CCDC85C: variants seen among roughly 807,000 people sequenced by gnomAD.
The protein encoded by CCDC85C is coiled-coil domain containing 85C, also known as coiled-coil domain-containing protein 85C.
In CCDC85C, 18 loss-of-function variants were observed where a neutral mutation model predicts 38.3. The observed-to-expected ratio is 0.47, with a 90% CI of 0.33 to 0.70. The LOEUF (loss-of-function observed/expected upper bound fraction) is 0.70. Among genes scored for constraint, CCDC85C ranks in the 30% least tolerant of loss-of-function variants. CCDC85C has a pLI of 0.03. For missense variants in CCDC85C, 566 were observed against 621.2 expected, an observed-to-expected ratio of 0.91 and a Z score of 0.94; for synonymous variants, 264 against 293.8, an observed-to-expected ratio of 0.90 and a Z score of 1.04.
At position 99,592,959 on chromosome 14, in the gene CCDC85C, A is replaced by G. The variant is rs534727847; in HGVS notation, c.793+10208T>C. Among the ~76,000 whole-genome samples, 34 of 152,294 alleles carry G rather than the reference A, an allele frequency of 2.2e-4. No homozygotes were observed. In the South Asian group the frequency reaches 6.4e-3, roughly 29 times the overall value. ...GAAAGAGGGAGAAACTAGCTTCTTA[A>G]TTTTCTGGAGAAAGGGTGGCTGGGT... is the stretch of plus-strand genomic sequence containing the variant. On this transcript the variant is annotated intron_variant, in intron 1 of 5. Coordinates refer to ENST00000380243, the MANE Select transcript of CCDC85C (RefSeq NM_001144995.2).
intron 1 of CCDC85C, among the ~76,000 whole-genome samples, chr14:99,583,524 A>G (rs1055040256): frequency 2.5e-4 from 35 of 142,338 alleles, no homozygotes; most frequent in South Asian, 1.6e-3. Context: ...AAAAAAAAAA[A>G]TCCTGGGCAC....
At chr14:99,556,170 G>A (rs951242090) in intron 1 of CCDC85C, among the ~76,000 whole-genome samples, 2 of 152,264 alleles carry the variant, frequency 1.3e-5, no homozygotes, top group African/African-American at 2.4e-5. Flanking sequence ...TGTAATACCA[G>A]CACTGAGAAG....
rs778725554 is a variant in CCDC85C at position 99,517,169 on chromosome 14, G to C, written c.990C>G (p.Pro330=). 61 of 1,546,814 alleles carry C rather than the reference G, an allele frequency of 3.9e-5. No homozygotes were observed. The highest frequency in any genetic ancestry group is 3.5e-4 in the Middle Eastern group (2 of 5,768). Residue 330 remains proline, a synonymous_variant, in exon 4 of 6, where the codon CCC becomes CCG. Coordinates refer to ENST00000380243, the MANE Select transcript of CCDC85C (RefSeq NM_001144995.2). ...QDSLQNGPAC[P]APELPSPPSA... ...AGGGGGGCGAGGGCAGCTCAGGTGCGGGGCAGGCCGGGCCCTGGGGAAGGC... is the reference window on the plus strand; with the variant it reads ...AGGGGGGCGAGGGCAGCTCAGGTGCCGGGCAGGCCGGGCCCTGGGGAAGGC...
At position 99,507,479 on chromosome 14, in the gene CCDC85C, C is replaced by T; in HGVS notation, c.*7767G>A. The T allele has an allele frequency of 3.5e-6, 1 of 284,250 alleles. No homozygotes were observed. The highest frequency in any genetic ancestry group is 7.7e-5 in the East Asian group (1 of 13,060). 17.6% of individuals were successfully genotyped at this position (284,250 alleles called of 1,614,324 possible). ...ACTTAGGAGTCTGAGATGGGAAGAT[C>T]ATTTGAGCCCTGGGCAGTCAAGGCT... is the stretch of plus-strand genomic sequence containing the variant. On this transcript the variant is annotated 3_prime_UTR_variant, in exon 6 of 6. Coordinates refer to ENST00000380243, the MANE Select transcript of CCDC85C (RefSeq NM_001144995.2).
intron 1 of CCDC85C, among the ~76,000 whole-genome samples, chr14:99,567,724 C>T (rs1262652459): frequency 6.6e-6 from 1 of 152,186 alleles, no homozygotes; most frequent in East Asian, 1.9e-4. Flanking sequence ...ACTTGGGAGG[C>T]TGAGGCAGGA....
At chr14:99,518,184 T>C (rs1897254208) in intron 3 of CCDC85C, among the ~76,000 whole-genome samples, 2 of 152,112 alleles carry the variant, frequency 1.3e-5, no homozygotes, top group Admixed American at 6.5e-5. Context: ...ACTGCAGGGC[T>C]GGGTTCTGCG....
chr14:99,527,252 G>A (rs1249949497), intron 2 of CCDC85C, among the ~76,000 whole-genome samples: 2 of 152,180 alleles, frequency 1.3e-5, no homozygotes, highest in Admixed American at 6.5e-5. Flanking sequence ...CTGCATGGCT[G>A]GACAGGTGTG....
rs8007401 is a variant in CCDC85C at position 99,603,405 on chromosome 14, G to A, written c.555C>T (p.Ser185=). 0.87 allele frequency: 1,095,676 copies of A among 1,261,964 alleles called. 479,522 individuals are homozygous for A. The highest frequency in any genetic ancestry group is 0.99 in the East Asian group (29,433 of 29,858). 78.2% of individuals were successfully genotyped at this position (1,261,964 alleles called of 1,614,324 possible). The change falls in exon 1 of 6, where the codon AGC becomes AGT. Residue 185 remains serine (S), a synonymous_variant. Transcript: ENST00000380243. This position sits in a 1 kb window ranked among gnomAD's most constrained non-coding sequence, Gnocchi z 7.5. ...GSRSSIDSQA[S]LSGPLSGGAP... ...CGCCACCCGACAGCGGCCCGCTCAG[G>A]CTGGCCTGGCTGTCGATGGAGCTGC...
Position 99,506,334 on chromosome 14 carries a change from T to C in CCDC85C, c.*8912A>G, listed in dbSNP as rs986756097. ...GCATGCAAACAGAAAAATAGGGTTCTTTTTCAGTTGTGATGTGCACGCTGC... is the reference window on the plus strand; with the variant it reads ...GCATGCAAACAGAAAAATAGGGTTCCTTTTCAGTTGTGATGTGCACGCTGC... On this transcript the variant is annotated 3_prime_UTR_variant, in exon 6 of 6. Transcript: ENST00000380243. 1 of 152,282 alleles carries C rather than the reference T, an allele frequency of 6.6e-6. No individual in the cohort carries two copies. The highest frequency in any genetic ancestry group is 1.5e-5 in the Non-Finnish European group (1 of 68,086). 9.4% of individuals were successfully genotyped at this position (152,282 alleles called of 1,614,324 possible).
At chr14:99,559,791 T>A (rs1898082051) in intron 1 of CCDC85C, among the ~76,000 whole-genome samples, 1 of 152,084 alleles carries the variant, frequency 6.6e-6, no homozygotes, top group Non-Finnish European at 1.5e-5. Flanking sequence ...ATGCATCTGA[T>A]GCAGCGTGGA....
Position 99,512,525 on chromosome 14 carries a change from C to G in CCDC85C, c.*2721G>C, listed in dbSNP as rs1298250002. The stretch of plus-strand genomic sequence containing the variant: ...TTTCTCTTTAAACACTGATGTGTAG[C>G]TAGTAACTTGGATAAAAAGGTGCCA... On this transcript the variant is annotated 3_prime_UTR_variant, in exon 6 of 6. Coordinates refer to ENST00000380243, the MANE Select transcript of CCDC85C (RefSeq NM_001144995.2). The G allele has an allele frequency of 1.3e-5, 2 of 151,956 alleles. No homozygotes were observed. The highest frequency in any genetic ancestry group is 6.5e-5 in the Admixed American group (1 of 15,268). 9.4% of individuals were successfully genotyped at this position (151,956 alleles called of 1,614,324 possible).
rs906581714 is a variant in CCDC85C at position 99,514,854 on chromosome 14, C to T, written c.*392G>A. The T allele has an allele frequency of 2.3e-5, 4 of 174,264 alleles. No individual in the cohort carries two copies. The highest frequency in any genetic ancestry group is 3.1e-4 in the East Asian group (2 of 6,380). 10.8% of individuals were successfully genotyped at this position (174,264 alleles called of 1,614,324 possible). A position where few individuals can be genotyped will look rare whatever the true frequency, so the allele number is the denominator to read the frequency against. ...GTCTCTGTCCAGTGTGGGTGGCAGC[C>T]GGGGAGTAGAGGGTTTGATGAGTGG... On this transcript the variant is annotated 3_prime_UTR_variant, in exon 6 of 6. Coordinates refer to ENST00000380243, the MANE Select transcript of CCDC85C (RefSeq NM_001144995.2).
chr14:99,524,781 C>G (rs552712839), intron 2 of CCDC85C, among the ~76,000 whole-genome samples: 1 of 152,228 alleles, frequency 6.6e-6, no homozygotes, highest in Admixed American at 6.5e-5. Flanking sequence ...GTTCTGCACA[C>G]AGAGAAGAGC....
chr14:99,523,402 T>A (rs1897328829), intron 2 of CCDC85C, among the ~76,000 whole-genome samples: 1 of 152,020 alleles, frequency 6.6e-6, no homozygotes, highest in South Asian at 2.1e-4. Context: ...CCCAGCCCCA[T>A]CAGAGCCCTG....
chr14:99,553,507 G>A (rs1235352978), intron 1 of CCDC85C, among the ~76,000 whole-genome samples: 4 of 152,204 alleles, frequency 2.6e-5, no homozygotes, highest in Non-Finnish European at 5.9e-5. Flanking sequence ...TGGGACTACA[G>A]GCACGTGCCA....
intron 2 of CCDC85C, among the ~76,000 whole-genome samples, chr14:99,525,368 G>T (rs1050807417): frequency 7.2e-5 from 11 of 152,202 alleles, no homozygotes; most frequent in Admixed American, 5.9e-4. Flanking sequence ...AGGGAGCATT[G>T]TCAGAGGGGA....
intron 2 of CCDC85C, among the ~76,000 whole-genome samples, chr14:99,527,230 T>C (rs549587742): frequency 2.0e-5 from 3 of 152,198 alleles, no homozygotes; most frequent in African/African-American, 7.2e-5. Context: ...ACGTTGTTGG[T>C]TTATCGTCTG....
rs578110477 is a variant in CCDC85C at position 99,560,222 on chromosome 14, G to A, written c.794-24134C>T. Among the ~76,000 whole-genome samples the A allele has an allele frequency of 3.9e-5, 6 of 152,250 alleles. No individual in the cohort carries two copies. The South Asian group carries it at 8.3e-4, about 21-fold the overall frequency. ...GAAGGGGGTCTGCCCACCCACACAC[G>A]CAGCCCTCATGCCTGCCTCATGCCT... On this transcript the variant is annotated intron_variant, in intron 1 of 5. Coordinates refer to ENST00000380243, the MANE Select transcript of CCDC85C (RefSeq NM_001144995.2).
intron 2 of CCDC85C, among the ~76,000 whole-genome samples, chr14:99,531,996 G>T (rs931018504): frequency 6.6e-6 from 1 of 152,202 alleles, no homozygotes; most frequent in Non-Finnish European, 1.5e-5. Context: ...CCTCTTGGCC[G>T]TGGAGACTGG....
Sources: gnomAD v4.1 joint callset for allele counts (sites outside exome capture counted in the v4.1 genomes callset) on GRCh38, gnomAD v4.1.1 for gene constraint, Gnocchi (gnomAD v3.1) non-coding constraint, MANE v1.5 for transcripts, NCBI Gene and HGNC (gene_info 2026-07-23, HGNC 2026-07-21) for gene names.